ABL1: variants seen among roughly 807,000 people sequenced by gnomAD.
ABL1 encodes tyrosine-protein kinase ABL1.
In ABL1, 11 loss-of-function variants were observed where a neutral mutation model predicts 94.7. The observed-to-expected ratio is 0.12, with a 90% confidence interval of 0.07 to 0.19. The LOEUF (loss-of-function observed/expected upper bound fraction) is 0.19, where lower values mean the gene tolerates loss of function less well. Ranked by LOEUF, ABL1 falls within the 10% of genes least tolerant of loss-of-function variation. The pLI is 1.00. For missense variants in ABL1, 1,082 were observed against 1,489.4 expected, an observed-to-expected ratio of 0.73 and a Z score of 4.50; for synonymous variants, 656 against 622.4, an observed-to-expected ratio of 1.05 and a Z score of -0.80.
chr9:130,855,901 C>T (rs1025465132), intron 3 of ABL1, among the ~76,000 whole-genome samples: 1 of 151,272 alleles, frequency 6.6e-6, no homozygotes, highest in African/African-American at 2.5e-5. Context: ...TAGGTGGTCC[C>T]GATGGTGTAT....
intron 1 of ABL1, among the ~76,000 whole-genome samples, chr9:130,804,921 G>T (rs567490716): frequency 6.6e-6 from 1 of 152,230 alleles, no homozygotes; most frequent in East Asian, 1.9e-4. Context: ...GGGGGACCAA[G>T]AGGGAGGTCT....
In ABL1 at chr9:130,796,920, C is replaced by CAAAAAAAAA. The variant is rs10607745; in HGVS notation, c.137-57131_137-57123dup. On this transcript the variant is annotated intron_variant, in intron 1 of 10. Transcript: ENST00000372348. ...GGGCAACAAGAGCGAAACTTCATCT[C>CAAAAAAAAA]AAAAAAAAAAAAAAAAAAAAAGGCA... 2.9e-3 allele frequency among the ~76,000 whole-genome samples: 175 copies of CAAAAAAAAA among 60,740 alleles called. 2 individuals are homozygous for CAAAAAAAAA. The highest frequency in any genetic ancestry group is 9.4e-3 in the African/African-American group (165 of 17,496). The allele number at this position is 60,740 out of a possible 152,430, so 39.8% of individuals were successfully genotyped here. A position where few individuals can be genotyped will look rare whatever the true frequency, so the allele number is the denominator to read the frequency against.
intron 1 of ABL1, among the ~76,000 whole-genome samples, chr9:130,809,411 AGAGAGAGTGTGTGTGTGT>A (rs977081861): frequency 8.6e-6 from 1 of 116,876 alleles, no homozygotes; most frequent in Admixed American, 1.0e-4. Context: ...AGAGAGAGAG[AGAGAGAGTGTGTGTGTGT>A]GTGTGTGTGT....
intron 1 of ABL1, among the ~76,000 whole-genome samples, chr9:130,748,013 C>T (rs1041377613): frequency 1.6e-4 from 25 of 152,276 alleles, no homozygotes; most frequent in African/African-American, 4.8e-4. Flanking sequence ...ACGTTCCTAC[C>T]AGCACCCTTG....
exon 1 of ABL1, among the ~76,000 whole-genome samples, chr9:130,713,148 C>T (rs1298951053): frequency 6.6e-6 from 1 of 152,194 alleles, no homozygotes; most frequent in Non-Finnish European, 1.5e-5. Flanking sequence ...CTGTCCACGG[C>T]CCCTACCGGC....
At chr9:130,803,958 G>C (rs1055365749) in intron 1 of ABL1, among the ~76,000 whole-genome samples, 1 of 152,066 alleles carries the variant, frequency 6.6e-6, no homozygotes. Flanking sequence ...CTACCCAGGA[G>C]ACTGAGGCAG....
chr9:130,880,660 G>C lies in ABL1; in HGVS notation c.1674G>C (p.Glu558Asp), dbSNP rs79963149. ...PEMPHSKGQG[E>D]SDPLDHEPAV... ...TGCCTCACTCCAAGGGCCAGGGAGAGAGCGGTAAGTCCCCCGCTTCCCCCA... is the reference window on the plus strand; with the variant it reads ...TGCCTCACTCCAAGGGCCAGGGAGACAGCGGTAAGTCCCCCGCTTCCCCCA... Residue 558 changes from glutamate to aspartate, a missense_variant, in exon 10 of 11, where the codon GAG becomes GAC. By Grantham distance (45) the Glu-to-Asp change is conservative (BLOSUM62 2). Around this residue, in one of 7 missense-constraint regions of ABL1, gnomAD observed 780 missense variants for 835.8 expected, o/e 0.93. Transcript: ENST00000318560. This position sits in a 1 kb window ranked among gnomAD's most constrained non-coding sequence, Gnocchi z 4.4. 7 of 1,613,096 alleles carry C rather than the reference G, an allele frequency of 4.3e-6. No homozygotes were observed. In the Middle Eastern group the frequency reaches 8.3e-4, roughly 192 times the overall value.
At chr9:130,748,848 A>T (rs1401460878) in intron 1 of ABL1, among the ~76,000 whole-genome samples, 1 of 152,174 alleles carries the variant, frequency 6.6e-6, no homozygotes, top group Admixed American at 6.5e-5. Flanking sequence ...AAGTCTTGGG[A>T]TTGCAGGCGT....
intron 1 of ABL1, among the ~76,000 whole-genome samples, chr9:130,801,552 T>C (rs768849192): frequency 6.6e-6 from 1 of 152,238 alleles, no homozygotes; most frequent in Non-Finnish European, 1.5e-5. Context: ...TGTTTTCTCC[T>C]TCATCTGAAG....
chr9:130,745,364 G>A (rs1180953707), intron 1 of ABL1, among the ~76,000 whole-genome samples: 1 of 152,034 alleles, frequency 6.6e-6, no homozygotes, highest in African/African-American at 2.4e-5. Flanking sequence ...GATTACAGGC[G>A]TGAGTCACTG....
intron 1 of ABL1, among the ~76,000 whole-genome samples, chr9:130,783,126 A>G (rs1281291224): frequency 1.3e-5 from 2 of 152,254 alleles, no homozygotes; most frequent in Non-Finnish European, 2.9e-5. Flanking sequence ...GGTATCAGTA[A>G]TATTTTAATT....
chr9:130,808,780 A>C (rs2132847312), intron 1 of ABL1, among the ~76,000 whole-genome samples: 1 of 152,346 alleles, frequency 6.6e-6, no homozygotes, highest in Admixed American at 6.5e-5. Flanking sequence ...TAACAGGTCA[A>C]AACTGAACTC....
chr9:130,873,109 C>T, intron 6 of ABL1, 72 bp downstream of exon 6: 1 of 1,508,518 alleles, frequency 6.6e-7, no homozygotes, highest in Non-Finnish European at 8.9e-7. Flanking sequence ...TTACAAAAAG[C>T]CCCAGCCTAG....
At chr9:130,859,608 A>G (rs2132966296) in intron 3 of ABL1, among the ~76,000 whole-genome samples, 1 of 151,562 alleles carries the variant, frequency 6.6e-6, no homozygotes, top group Admixed American at 6.6e-5. Flanking sequence ...CAAAGGTTGC[A>G]CAAGTCTAAG....
At position 130,841,905 on chromosome 9, in the gene ABL1, G is replaced by A. The variant is rs111352721; in HGVS notation, c.79+6380G>A. ...TGCGTGTGTTGAGTACTGGTGATAGGGAAGACAGAGAGAAATAGGTGGGAA... is the reference window on the plus strand; with the variant it reads ...TGCGTGTGTTGAGTACTGGTGATAGAGAAGACAGAGAGAAATAGGTGGGAA... On this transcript the variant is annotated intron_variant, in intron 1 of 10. Coordinates refer to ENST00000318560, the MANE Select transcript of ABL1 (RefSeq NM_005157.6). Among the ~76,000 whole-genome samples, 125 of 150,574 alleles carry A rather than the reference G, an allele frequency of 8.3e-4. 1 individual carries two copies. Among genetic ancestry groups the A allele is most frequent in the African/African-American group, 2.8e-3 (112 of 40,456 alleles).
chr9:130,722,869 A>G (rs1831533730), intron 1 of ABL1, among the ~76,000 whole-genome samples: 1 of 152,220 alleles, frequency 6.6e-6, no homozygotes, highest in Non-Finnish European at 1.5e-5. Flanking sequence ...CATGTTGTCA[A>G]AGAAAATGAA....
rs772507277 is a variant in ABL1 at position 130,714,345 on chromosome 9, T to C, written c.26T>C (p.Leu9Pro). 19 of 1,612,562 alleles carry C rather than the reference T, an allele frequency of 1.2e-5. No individual in the cohort carries two copies. Among genetic ancestry groups the C allele is most frequent in the Admixed American group, 3.3e-5 (2 of 59,746 alleles). The change falls in exon 1 of 11, where the codon CTT becomes CCT. Residue 9 changes from leucine to proline, a missense_variant. By Grantham distance (98) the Leu-to-Pro change is moderately conservative. Transcript: ENST00000372348. ...ATGGGGCAGCAGCCTGGAAAAGTAC[T>C]TGGGGACCAAAGAAGGCCAAGCTTG...
At chr9:130,725,722 C>G (rs1419117691) in intron 1 of ABL1, among the ~76,000 whole-genome samples, 2 of 150,104 alleles carry the variant, frequency 1.3e-5, no homozygotes, top group African/African-American at 4.9e-5. Context: ...TTACGTGTAT[C>G]AGAATTTCTT....
At chr9:130,865,048 T>C (rs1331346471) in intron 4 of ABL1, among the ~76,000 whole-genome samples, 1 of 152,208 alleles carries the variant, frequency 6.6e-6, no homozygotes, top group Admixed American at 6.5e-5. Context: ...CAGAGAAGGG[T>C]ACCTGCTGGA....
Sources: gnomAD v4.1 joint callset for allele counts (sites outside exome capture counted in the v4.1 genomes callset) on GRCh38, gnomAD v4.1.1 for gene constraint, gnomAD v4.1.1 regional missense constraint, Gnocchi (gnomAD v3.1) non-coding constraint, MANE v1.5 for transcripts, NCBI Gene and HGNC (gene_info 2026-07-23, HGNC 2026-07-21) for gene names.